FAR1: variants seen among roughly 807,000 people sequenced by gnomAD.
The protein encoded by FAR1 is fatty acyl-CoA reductase 1, also known as male sterility domain-containing protein 2.
Under a neutral mutation model 61.1 loss-of-function variants are expected in FAR1, and 22 were observed. The ratio of observed to expected loss-of-function variants is 0.36; its 90% CI spans 0.26 to 0.51. The LOEUF is 0.51. Ranked by LOEUF, FAR1 falls within the 20% of genes least tolerant of loss-of-function variation. The probability of loss-of-function intolerance (pLI) is 0.95; values close to 1 mark genes in which losing one functional copy is unlikely to be tolerated. For missense variants in FAR1, 359 were observed against 626.9 expected, an observed-to-expected ratio of 0.57 and a Z score of 4.56; for synonymous variants, 206 against 209.7, an observed-to-expected ratio of 0.98 and a Z score of 0.15.
At chr11:13,718,257 T>A (rs1055670568) in intron 9 of FAR1, among the ~76,000 whole-genome samples, 1 of 152,222 alleles carries the variant, frequency 6.6e-6, no homozygotes, top group African/African-American at 2.4e-5. Flanking sequence ...AGAAACTGTT[T>A]CTTAAAGAAT....
At chr11:13,678,960 C>A (rs1848097140) in intron 1 of FAR1, among the ~76,000 whole-genome samples, 2 of 152,072 alleles carry the variant, frequency 1.3e-5, no homozygotes, top group South Asian at 4.1e-4. Context: ...ACATAATTTA[C>A]CTTTGTTAAT....
chr11:13,704,283 G>T (rs1348815229), intron 3 of FAR1, among the ~76,000 whole-genome samples: 1 of 152,028 alleles, frequency 6.6e-6, no homozygotes, highest in African/African-American at 2.4e-5. Context: ...AGATGGTGTG[G>T]TTTGCGGAAA....
At chr11:13,713,750 G>A (rs889128512) in intron 8 of FAR1, among the ~76,000 whole-genome samples, 4 of 151,924 alleles carry the variant, frequency 2.6e-5, no homozygotes, top group African/African-American at 9.7e-5. Context: ...TTTGTCCTAG[G>A]ATTTTTCTGT....
At chr11:13,672,601 C>A (rs1370280410) in intron 1 of FAR1, among the ~76,000 whole-genome samples, 4 of 150,986 alleles carry the variant, frequency 2.6e-5, no homozygotes, top group African/African-American at 7.3e-5. Context: ...AAGCATTCAA[C>A]TGAAATGAGC....
At chr11:13,703,883 A>G (rs1848404339) in intron 3 of FAR1, among the ~76,000 whole-genome samples, 2 of 152,020 alleles carry the variant, frequency 1.3e-5, no homozygotes, top group Admixed American at 6.6e-5. Context: ...ATCTCTGCTA[A>G]TAATACAAAA....
chr11:13,719,823 T>C (rs1848590576), intron 9 of FAR1: 1 of 152,192 alleles, frequency 6.6e-6, no homozygotes, highest in African/African-American at 2.4e-5. Flanking sequence ...ACAATATTTA[T>C]AGTGCCAAGG....
chr11:13,696,813 T>TAA (rs1472499300), intron 2 of FAR1, among the ~76,000 whole-genome samples: 1 of 152,146 alleles, frequency 6.6e-6, no homozygotes, highest in Non-Finnish European at 1.5e-5. Context: ...AGTGTACACT[T>TAA]AAAGTTAGTA....
At chr11:13,719,422 G>A (rs1242035004) in intron 9 of FAR1, among the ~76,000 whole-genome samples, 1 of 152,086 alleles carries the variant, frequency 6.6e-6, no homozygotes, top group Non-Finnish European at 1.5e-5. Context: ...CACAGTAATA[G>A]ACTTTACACC....
intron 1 of FAR1, among the ~76,000 whole-genome samples, chr11:13,669,876 C>T (rs1043751767): frequency 6.5e-5 from 7 of 108,006 alleles, no homozygotes; most frequent in Non-Finnish European, 1.0e-4. Flanking sequence ...TCCCTTAATT[C>T]TTTATGTTAA....
At chr11:13,711,885 A>G (rs768882546) in intron 6 of FAR1, 43 bp from the exon 7 acceptor site, 24 of 1,565,444 alleles carry the variant, frequency 1.5e-5, no homozygotes, top group Non-Finnish European at 2.0e-5. Context: ...TATATACACT[A>G]TGGCTTATAT....
At chr11:13,692,695 A>C (rs78096584) in intron 1 of FAR1, among the ~76,000 whole-genome samples, 1 of 152,134 alleles carries the variant, frequency 6.6e-6, no homozygotes, top group Non-Finnish European at 1.5e-5. Context: ...CTTGGGGGCT[A>C]TTAATTTTAA....
intron 1 of FAR1, among the ~76,000 whole-genome samples, chr11:13,677,691 T>G (rs1158864091): frequency 1.3e-5 from 2 of 152,232 alleles, no homozygotes; most frequent in East Asian, 3.8e-4. Flanking sequence ...CTTAGAACAG[T>G]GCCTGTCAAG....
At chr11:13,679,445 T>C (rs2134169244) in intron 1 of FAR1, among the ~76,000 whole-genome samples, 1 of 152,328 alleles carries the variant, frequency 6.6e-6, no homozygotes, top group South Asian at 2.1e-4. Context: ...CCAATTTCTC[T>C]AACTTAACTA....
intron 1 of FAR1, among the ~76,000 whole-genome samples, chr11:13,694,262 A>G (rs1392988476): frequency 6.6e-6 from 1 of 152,192 alleles, no homozygotes; most frequent in African/African-American, 2.4e-5. Context: ...CGTAGTAGAA[A>G]GGGCTCGGTG....
At chr11:13,723,225 C>T (rs942425089) in intron 10 of FAR1, 2 of 270,010 alleles carry the variant, frequency 7.4e-6, no homozygotes, top group South Asian at 3.3e-5. Flanking sequence ...ATCAGACAGG[C>T]ATGGTGACAT....
chr11:13,710,919 T>C (rs773967374), intron 5 of FAR1, 49 bp downstream of exon 5: 4 of 1,513,098 alleles, frequency 2.6e-6, no homozygotes, highest in Admixed American at 2.0e-5. Context: ...GAATTTTAAG[T>C]TGTAACTCTG....
At chr11:13,707,822 C>G (rs576343230) in intron 3 of FAR1, 78 bp from the exon 4 acceptor site, 27 of 1,091,926 alleles carry the variant, frequency 2.5e-5, no homozygotes, top group Admixed American at 2.1e-4. Flanking sequence ...CTCTACTTCT[C>G]TAATGAAAAT....
intron 1 of FAR1, among the ~76,000 whole-genome samples, chr11:13,685,046 G>C (rs1436393670): frequency 6.6e-6 from 1 of 152,042 alleles, no homozygotes; most frequent in Non-Finnish European, 1.5e-5. Context: ...CTGTGGATCA[G>C]GTAGGGTGGA....
intron 3 of FAR1, among the ~76,000 whole-genome samples, chr11:13,703,661 G>C (rs1420609941): frequency 6.6e-6 from 1 of 152,202 alleles, no homozygotes; most frequent in Non-Finnish European, 1.5e-5. Context: ...GGTAGATAGA[G>C]CTCACTTGTT....
Sources: allele counts gnomAD v4.1 joint callset (sites outside exome capture counted in the v4.1 genomes callset), GRCh38; gene constraint gnomAD v4.1.1; transcripts MANE v1.5; gene names NCBI Gene and HGNC (gene_info 2026-07-23, HGNC 2026-07-21).